CDH22: variants seen among roughly 807,000 people sequenced by gnomAD.
CDH22 encodes cadherin 22.
Under a neutral mutation model 58.4 loss-of-function variants are expected in CDH22, and 30 were observed. The observed-to-expected ratio is 0.51, with a 90% CI of 0.38 to 0.70. The LOEUF (loss-of-function observed/expected upper bound fraction) is 0.70. CDH22 is among the 30% of genes least tolerant of loss of function. The pLI, the probability that CDH22 is intolerant of heterozygous loss-of-function variation, is 0.00. For missense variants in CDH22, 1,014 were observed against 1,233.9 expected (o/e 0.82, Z 2.67); for synonymous variants, 513 against 558.2 (o/e 0.92, Z 1.14).
chr20:46,267,433 T>A (rs2086466338), intron 1 of CDH22, among the ~76,000 whole-genome samples: 1 of 152,220 alleles, frequency 6.6e-6, no homozygotes, highest in Admixed American at 6.5e-5. Flanking sequence ...TGTCACACCA[T>A]CCTCCTGAGA....
At chr20:46,228,302 C>T (rs2086194988) in intron 3 of CDH22, among the ~76,000 whole-genome samples, 1 of 152,226 alleles carries the variant, frequency 6.6e-6, no homozygotes, top group South Asian at 2.1e-4. Flanking sequence ...CTGGTGCCCT[C>T]CTCGCCCCTC....
chr20:46,179,225 G>T (rs2085766814), intron 10 of CDH22, among the ~76,000 whole-genome samples: 1 of 152,196 alleles, frequency 6.6e-6, no homozygotes, highest in African/African-American at 2.4e-5. Context: ...TCCCTTCACA[G>T]CCAACTCTGC....
chr20:46,188,582 C>T (rs976800646), intron 8 of CDH22, among the ~76,000 whole-genome samples: 4 of 152,210 alleles, frequency 2.6e-5, no homozygotes, highest in African/African-American at 9.7e-5. Context: ...GCATTTGAAA[C>T]TGTGTGTACA....
chr20:46,280,947 A>G (rs539430903), intron 1 of CDH22, among the ~76,000 whole-genome samples: 4 of 152,326 alleles, frequency 2.6e-5, no homozygotes, highest in African/African-American at 9.6e-5. Flanking sequence ...GGTTCTCAGG[A>G]AAGTCTGTGA....
intron 4 of CDH22, among the ~76,000 whole-genome samples, chr20:46,226,958 C>T (rs1465590027): frequency 6.6e-6 from 1 of 152,174 alleles, no homozygotes; most frequent in Non-Finnish European, 1.5e-5. Context: ...GCGTGCTGCA[C>T]CATCGTTTGG....
chr20:46,240,641 A>G (rs1355463081), intron 3 of CDH22, among the ~76,000 whole-genome samples: 1 of 152,060 alleles, frequency 6.6e-6, no homozygotes, highest in Non-Finnish European at 1.5e-5. Flanking sequence ...TGCATGTGGC[A>G]TGTCCAGATC....
chr20:46,222,647 C>T (rs1183890865), intron 4 of CDH22, among the ~76,000 whole-genome samples: 1 of 152,218 alleles, frequency 6.6e-6, no homozygotes, highest in Non-Finnish European at 1.5e-5. Flanking sequence ...TCCCCAGTTC[C>T]AGCTGTTGTC....
chr20:46,242,720 G>A (rs1228143392), intron 2 of CDH22, among the ~76,000 whole-genome samples: 1 of 152,100 alleles, frequency 6.6e-6, no homozygotes, highest in Non-Finnish European at 1.5e-5. Context: ...CAGGTATGGA[G>A]GTTTTTCATG....
rs1477259097 is a variant in CDH22 at position 46,281,447 on chromosome 20, A to G, written c.-400+26808T>C. Among the ~76,000 whole-genome samples, 3 of 103,660 alleles carry G rather than the reference A, an allele frequency of 2.9e-5. No homozygotes were observed. In the Admixed American group the frequency reaches 2.9e-4, roughly 10 times the overall value. 68.0% of individuals were successfully genotyped at this position (103,660 alleles called of 152,430 possible). ...ATGTATATGAGGACGTGTTTTGTAAATGGAAAAAAATCACATACGCCTACC... is the reference window on the plus strand; with the variant it reads ...ATGTATATGAGGACGTGTTTTGTAAGTGGAAAAAAATCACATACGCCTACC... On this transcript the variant is annotated intron_variant, in intron 1 of 11. Coordinates refer to ENST00000537909, the MANE Select transcript of CDH22 (RefSeq NM_021248.3).
intron 8 of CDH22, 110 bp from the exon 9 acceptor site, chr20:46,187,057 G>A (rs1272944147): frequency 7.4e-6 from 9 of 1,208,462 alleles, no homozygotes; most frequent in Non-Finnish European, 1.0e-5. Flanking sequence ...TGAGAAATTT[G>A]TGGGTTAACC....
At chr20:46,236,411 C>T (rs1452239583) in intron 3 of CDH22, among the ~76,000 whole-genome samples, 3 of 149,806 alleles carry the variant, frequency 2.0e-5, no homozygotes, top group South Asian at 2.1e-4. Context: ...TAACACTCCC[C>T]GCAAATTGCT....
In CDH22 at chr20:46,241,517, T is replaced by A. The variant is rs2086290054; in HGVS notation, c.256-260A>T. ...CAGAGCTATCAGCCTTGGAGGCAGA[T>A]CTGAACATGGCCTCCCTGCTTACAA... On this transcript the variant is annotated intron_variant, in intron 2 of 11. Coordinates refer to ENST00000537909, the MANE Select transcript of CDH22 (RefSeq NM_021248.3). The surrounding 1 kb of genome is among the most constrained non-coding windows in gnomAD (Gnocchi z 5.2). 6.6e-6 allele frequency among the ~76,000 whole-genome samples: 1 copy of A among 152,186 alleles called. No individual in the cohort carries two copies. The highest frequency in any genetic ancestry group is 2.4e-5 in the African/African-American group (1 of 41,448).
chr20:46,176,570 G>A (rs1038447286), intron 11 of CDH22, among the ~76,000 whole-genome samples: 2 of 152,238 alleles, frequency 1.3e-5, no homozygotes, highest in South Asian at 2.1e-4. Context: ...AGACATGTAC[G>A]AGGTACTGTG....
intron 1 of CDH22, among the ~76,000 whole-genome samples, chr20:46,265,008 C>A (rs1280873234): frequency 6.6e-6 from 1 of 152,208 alleles, no homozygotes; most frequent in Non-Finnish European, 1.5e-5. Flanking sequence ...TGCCCCTGGC[C>A]TGCACCTGTC....
At chr20:46,299,155 T>C (rs2086640493) in intron 1 of CDH22, among the ~76,000 whole-genome samples, 1 of 152,196 alleles carries the variant, frequency 6.6e-6, no homozygotes, top group Admixed American at 6.5e-5. Flanking sequence ...TTTCTGGTCC[T>C]CTCTGTCTTT....
At chr20:46,277,060 G>A (rs2086521875) in intron 1 of CDH22, among the ~76,000 whole-genome samples, 2 of 152,084 alleles carry the variant, frequency 1.3e-5, no homozygotes, top group African/African-American at 2.4e-5. Context: ...AGGCTGAGGG[G>A]AGAGGATTGC....
intron 1 of CDH22, among the ~76,000 whole-genome samples, chr20:46,274,460 C>T (rs941763124): frequency 2.0e-5 from 3 of 152,190 alleles, no homozygotes; most frequent in African/African-American, 7.2e-5. Flanking sequence ...CCTTAGCTTC[C>T]ATCCTTGTTC....
chr20:46,273,622 C>T (rs1400751936), intron 1 of CDH22, among the ~76,000 whole-genome samples: 1 of 152,160 alleles, frequency 6.6e-6, no homozygotes, highest in Non-Finnish European at 1.5e-5. Context: ...GCTCAGAGCT[C>T]GGTGAGCTGT....
chr20:46,186,439 G>T, intron 10 of CDH22, 149 bp downstream of exon 10: 3 of 663,002 alleles, frequency 4.5e-6, no homozygotes, highest in Non-Finnish European at 7.9e-6. Context: ...AGTGGGCTGG[G>T]TAACAGCTCC....
Sources: gnomAD v4.1 joint callset for allele counts (sites outside exome capture counted in the v4.1 genomes callset) on GRCh38, gnomAD v4.1.1 for gene constraint, Gnocchi (gnomAD v3.1) non-coding constraint, MANE v1.5 for transcripts, NCBI Gene and HGNC (gene_info 2026-07-23, HGNC 2026-07-21) for gene names.